The following PCDHGA2 variants were observed in gnomAD, a reference collection of about 807,000 sequenced individuals.
PCDHGA2 encodes protocadherin gamma-A2.
In PCDHGA2, 40 loss-of-function variants were observed where a neutral mutation model predicts 59.2. The ratio of observed to expected loss-of-function variants is 0.68; its 90% CI spans 0.52 to 0.88. The LOEUF (loss-of-function observed/expected upper bound fraction) is 0.88, where lower values mean the gene tolerates loss of function less well. PCDHGA2 is among the 40% of genes least tolerant of loss of function. The pLI, the probability that PCDHGA2 is intolerant of heterozygous loss-of-function variation, is 0.00. For missense variants in PCDHGA2, 1,226 were observed against 1,204.0 expected (o/e 1.02, Z -0.27); for synonymous variants, 560 against 526.0 (o/e 1.06, Z -0.89).
intron 3 of PCDHGA2, among the ~76,000 whole-genome samples, chr5:141,506,132 G>T (rs114930087): frequency 1.2e-4 from 18 of 152,310 alleles, no homozygotes; most frequent in African/African-American, 4.3e-4. Context: ...CAGAGCAGGA[G>T]AAGAAGAATA....
intron 1 of PCDHGA2, chr5:141,408,314 C>A (rs1408322838): frequency 1.2e-6 from 2 of 1,613,846 alleles, no homozygotes; most frequent in Admixed American, 3.3e-5. Context: ...CTACTCGATT[C>A]CGGAGGAGCT....
At chr5:141,408,504 G>C (rs752297449) in intron 1 of PCDHGA2, 2 of 1,613,936 alleles carry the variant, frequency 1.2e-6, no homozygotes, top group Non-Finnish European at 1.7e-6. Context: ...GAGAGAAGAA[G>C]ATGTGAGTTG....
intron 1 of PCDHGA2, chr5:141,419,816 C>T (rs910172118): frequency 1.2e-6 from 2 of 1,614,058 alleles, no homozygotes; most frequent in Non-Finnish European, 8.5e-7. Context: ...AGGACAGCCA[C>T]CCCTTTCAGC....
chr5:141,477,560 T>C lies in PCDHGA2; in HGVS notation c.2425-17247T>C, dbSNP rs2099412994. The C allele has an allele frequency of 1.2e-6, 2 of 1,614,078 alleles. No homozygotes were observed. Among genetic ancestry groups the C allele is most frequent in the South Asian group, 2.2e-5 (2 of 91,094 alleles). ...GGCTCCAATACTAAACCTAAGTGTC[T>C]GGGACCCCGACGCCCCGCAGAATGC... On this transcript the variant is annotated intron_variant, in intron 1 of 3. Transcript: ENST00000394576. This position sits in a 1 kb window ranked among gnomAD's most constrained non-coding sequence, Gnocchi z 4.9.
In PCDHGA2 at chr5:141,511,261, G is replaced by A; in HGVS notation, c.*88G>A. On this transcript the variant is annotated 3_prime_UTR_variant, in exon 4 of 4. Transcript: ENST00000394576. The stretch of plus-strand genomic sequence containing the variant: ...CTGCACCCAGGCCTCAGAGTTTCAG[G>A]GCTAACCCCCAGAATACTGGTAGGG... 2 of 1,557,474 alleles carry A rather than the reference G, an allele frequency of 1.3e-6. No homozygotes were observed. The highest frequency in any genetic ancestry group is 1.4e-5 in the African/African-American group (1 of 73,440).
At chr5:141,500,355 C>G (rs539892249) in intron 2 of PCDHGA2, among the ~76,000 whole-genome samples, 2 of 151,912 alleles carry the variant, frequency 1.3e-5, no homozygotes, top group Non-Finnish European at 2.9e-5. Flanking sequence ...ACTACAGGCG[C>G]CCACTACCAC....
chr5:141,473,377 C>T (rs2099320819), intron 1 of PCDHGA2, among the ~76,000 whole-genome samples: 1 of 152,202 alleles, frequency 6.6e-6, no homozygotes, highest in Admixed American at 6.5e-5. Flanking sequence ...TAGCATGGTC[C>T]CTGCCCTCCT....
chr5:141,388,849 G>A, intron 1 of PCDHGA2: 1 of 1,614,026 alleles, frequency 6.2e-7, no homozygotes, highest in Non-Finnish European at 8.5e-7. Flanking sequence ...GCAAGGGACG[G>A]TGGAGGAATG....
At chr5:141,456,171 A>ACAGGCG (rs1443838766) in intron 1 of PCDHGA2, among the ~76,000 whole-genome samples, 2 of 152,096 alleles carry the variant, frequency 1.3e-5, no homozygotes, top group East Asian at 3.9e-4. Flanking sequence ...TGCTGGGATT[A>ACAGGCG]CAGAATAATT....
At chr5:141,460,977 G>A in intron 1 of PCDHGA2, among the ~76,000 whole-genome samples, 1 of 131,518 alleles carries the variant, frequency 7.6e-6, no homozygotes, top group African/African-American at 3.4e-5. Context: ...GTGTGTGTGT[G>A]TGTGTGTATA....
intron 1 of PCDHGA2, among the ~76,000 whole-genome samples, chr5:141,468,797 C>T (rs191599825): frequency 0.01 from 1,525 of 151,876 alleles, 28 homozygotes; most frequent in African/African-American, 0.035. Flanking sequence ...ACCCGGGAGG[C>T]GGAACTTGCA....
At chr5:141,457,555 C>A (rs1425159883) in intron 1 of PCDHGA2, among the ~76,000 whole-genome samples, 2 of 152,168 alleles carry the variant, frequency 1.3e-5, no homozygotes. Context: ...GTATGATAAG[C>A]TTTGGAGCAA....
chr5:141,366,329 A>G (rs1342085917), intron 1 of PCDHGA2: 1 of 1,613,868 alleles, frequency 6.2e-7, no homozygotes, highest in South Asian at 1.1e-5. Flanking sequence ...CGTGGCCGAC[A>G]GGATCCCTGA....
intron 1 of PCDHGA2, among the ~76,000 whole-genome samples, chr5:141,450,812 T>A (rs2098694727): frequency 7.5e-6 from 1 of 133,924 alleles, no homozygotes; most frequent in Admixed American, 7.4e-5. Context: ...ATTTATTTAT[T>A]TAATATTATT....
Position 141,339,034 on chromosome 5 carries a change from G to A in PCDHGA2, c.63G>A (p.Ala21=), listed in dbSNP as rs141145650. 1 of 1,596,074 alleles carries A rather than the reference G, an allele frequency of 6.3e-7. No individual in the cohort carries two copies. The highest frequency in any genetic ancestry group is 8.6e-7 in the Non-Finnish European group (1 of 1,167,844). The change falls in exon 1 of 4, where the codon GCG becomes GCA. Residue 21 remains alanine (A), a synonymous_variant. Transcript: ENST00000394576. ...RKLVLLCFLL[A]TLWEARAGQI... ...TGGTCCTGCTGTGCTTCCTTTTGGC[G>A]ACCCTGTGGGAGGCCAGGGCCGGGC... is the stretch of plus-strand genomic sequence containing the variant.
chr5:141,496,140 T>C (rs1172903212), intron 2 of PCDHGA2, among the ~76,000 whole-genome samples: 1 of 152,006 alleles, frequency 6.6e-6, no homozygotes, highest in Admixed American at 6.6e-5. Flanking sequence ...CACTGAGCCT[T>C]TGATCGCAGC....
chr5:141,351,916 T>C (rs372459324), intron 1 of PCDHGA2: 256 of 1,613,264 alleles, frequency 1.6e-4, no homozygotes, highest in African/African-American at 4.5e-4. Flanking sequence ...GCGACCTCAA[T>C]GACAATGCGC....
intron 1 of PCDHGA2, chr5:141,364,749 T>G: frequency 6.2e-7 from 1 of 1,613,916 alleles, no homozygotes; most frequent in Non-Finnish European, 8.5e-7. Flanking sequence ...GAGTTAAAAG[T>G]AAAAGTTAAT....
In PCDHGA2 at chr5:141,459,764, A is replaced by G. The variant is rs980972909; in HGVS notation, c.2425-35043A>G. On this transcript the variant is annotated intron_variant, in intron 1 of 3. Transcript: ENST00000394576. ...TTTTAGCAATTCTAGTGGGTGTGTG[A>G]TACTATCTCATTGAAGTTTCAACTG... Among the ~76,000 whole-genome samples, 56 of 152,208 alleles carry G rather than the reference A, an allele frequency of 3.7e-4. 1 individual carries two copies. Among genetic ancestry groups the G allele is most frequent in the Admixed American group, 6.5e-5 (1 of 15,274 alleles).
Sources: gnomAD v4.1 joint callset for allele counts (sites outside exome capture counted in the v4.1 genomes callset) on GRCh38, gnomAD v4.1.1 for gene constraint, Gnocchi (gnomAD v3.1) non-coding constraint, MANE v1.5 for transcripts, NCBI Gene and HGNC (gene_info 2026-07-23, HGNC 2026-07-21) for gene names.